Variants in CAST observed in about 807,000 individuals in gnomAD.
The protein encoded by CAST is calpastatin.
A neutral mutation model predicts 119.6 loss-of-function variants in CAST; 76 were observed. The observed-to-expected ratio is 0.64, with a 90% CI of 0.53 to 0.77. The LOEUF (loss-of-function observed/expected upper bound fraction) is 0.77, where lower values mean the gene tolerates loss of function less well. Among genes scored for constraint, CAST ranks in the 30% least tolerant of loss-of-function variants. The pLI, the probability that CAST is intolerant of heterozygous loss-of-function variation, is 0.00. For missense variants in CAST, 953 were observed against 946.5 expected (o/e 1.01, Z -0.09); for synonymous variants, 319 against 331.6 (o/e 0.96, Z 0.41).
chr5:96,534,540 G>C (rs946195401), intron 1 of CAST, among the ~76,000 whole-genome samples: 7 of 151,226 alleles, frequency 4.6e-5, no homozygotes, highest in South Asian at 4.2e-4. Context: ...GTAGTGGTGC[G>C]TGCCTGTAAT....
At chr5:96,241,848 T>G in the CAST span, among the ~76,000 whole-genome samples, 2 of 149,752 alleles carry the variant, frequency 1.3e-5, no homozygotes, top group Admixed American at 1.3e-4. Context: ...GTTTTTTGGC[T>G]GCATAAATGT....
At chr5:96,423,279 C>T in the CAST span, 10 of 1,586,568 alleles carry the variant, frequency 6.3e-6, no homozygotes, top group Non-Finnish European at 8.6e-6. Flanking sequence ...CAGACAGCTC[C>T]CTAAGTCACA....
At chr5:96,379,138 G>T in the CAST span, among the ~76,000 whole-genome samples, 1 of 152,094 alleles carries the variant, frequency 6.6e-6, no homozygotes, top group African/African-American at 2.4e-5. Flanking sequence ...GAATCTTTAT[G>T]AGCTTTTGAT....
chr5:96,541,072 G>A (rs978037914), intron 1 of CAST, among the ~76,000 whole-genome samples: 15 of 152,046 alleles, frequency 9.9e-5, no homozygotes, highest in African/African-American at 3.6e-4. Flanking sequence ...GTAGAGTTAC[G>A]TTTCCTTCCC....
chr5:96,433,630 A>G, the CAST span, among the ~76,000 whole-genome samples: 1 of 152,114 alleles, frequency 6.6e-6, no homozygotes, highest in South Asian at 2.1e-4. Context: ...TAGGATTCTT[A>G]TAATGGCCCT....
chr5:96,610,196 T>C (rs4869147), intron 1 of CAST, among the ~76,000 whole-genome samples: 2,470 of 152,340 alleles, frequency 0.016, 75 homozygotes, highest in African/African-American at 0.057. Flanking sequence ...GTGCCTTTGC[T>C]CTTTATTTAT....
chr5:96,219,536 T>G, the CAST span, among the ~76,000 whole-genome samples: 4 of 152,198 alleles, frequency 2.6e-5, no homozygotes, highest in African/African-American at 9.6e-5. Context: ...CCAGGCATGG[T>G]GGCCCATGCC....
chr5:95,981,601 C>T, the CAST span, among the ~76,000 whole-genome samples: 1 of 152,150 alleles, frequency 6.6e-6, no homozygotes, highest in Non-Finnish European at 1.5e-5. Flanking sequence ...TGTGGCCCAG[C>T]GCAGTGGCTC....
chr5:96,343,275 C>T, the CAST span, among the ~76,000 whole-genome samples: 1 of 152,026 alleles, frequency 6.6e-6, no homozygotes, highest in Non-Finnish European at 1.5e-5. Flanking sequence ...ATGGATCTCA[C>T]AATACTGGCA....
intron 8 of CAST, 28 bp downstream of exon 8, chr5:96,729,753 C>G: frequency 2.1e-6 from 2 of 938,950 alleles, no homozygotes; most frequent in East Asian, 2.4e-5. Context: ...ATAGGAAAAC[C>G]TTAACATCAA....
chr5:96,738,174 T>G (rs1039077848), intron 11 of CAST, among the ~76,000 whole-genome samples: 1 of 151,900 alleles, frequency 6.6e-6, no homozygotes, highest in Non-Finnish European at 1.5e-5. Flanking sequence ...ATACAAAAAT[T>G]AGCTGGGCAT....
At chr5:96,269,419 A>C in the CAST span, among the ~76,000 whole-genome samples, 1 of 152,316 alleles carries the variant, frequency 6.6e-6, no homozygotes, top group African/African-American at 2.4e-5. Context: ...ACATAAAACC[A>C]ACAAAGAAAC....
the CAST span, among the ~76,000 whole-genome samples, chr5:96,436,804 G>T: frequency 6.6e-6 from 1 of 152,064 alleles, no homozygotes; most frequent in East Asian, 1.9e-4. Flanking sequence ...GACTGATATT[G>T]GGGTTACCAC....
At chr5:95,978,456 AG>A in the CAST span, among the ~76,000 whole-genome samples, 1 of 152,082 alleles carries the variant, frequency 6.6e-6, no homozygotes, top group African/African-American at 2.4e-5. Context: ...TGTTTTGAAA[AG>A]TATCTGTTCA....
At chr5:96,297,771 G>T in the CAST span, among the ~76,000 whole-genome samples, 30 of 151,906 alleles carry the variant, frequency 2.0e-4, no homozygotes, top group Admixed American at 1.8e-3. Flanking sequence ...GGCTATGCCT[G>T]GCTTCCACGT....
At chr5:96,386,736 G>A in the CAST span, among the ~76,000 whole-genome samples, 1 of 152,172 alleles carries the variant, frequency 6.6e-6, no homozygotes, top group African/African-American at 2.4e-5. Flanking sequence ...AGGCCGAGGC[G>A]AGCAGATCAC....
chr5:96,688,870 G>A (rs1752384084), intron 2 of CAST, among the ~76,000 whole-genome samples: 1 of 152,144 alleles, frequency 6.6e-6, no homozygotes, highest in African/African-American at 2.4e-5. Flanking sequence ...ACCCATGCAT[G>A]TATCTGCTTA....
the CAST span, chr5:96,412,627 C>A: frequency 2.5e-6 from 2 of 787,566 alleles, no homozygotes; most frequent in Non-Finnish European, 4.1e-6. Flanking sequence ...TAGATGTCCC[C>A]AATTTCTGTA....
the CAST span, among the ~76,000 whole-genome samples, chr5:96,037,969 G>C: frequency 1.3e-5 from 2 of 152,256 alleles, no homozygotes; most frequent in East Asian, 3.9e-4. Flanking sequence ...CAGATTCATC[G>C]CAATGTTACA....
Sources: allele counts gnomAD v4.1 joint callset (sites outside exome capture counted in the v4.1 genomes callset), GRCh38; gene constraint gnomAD v4.1.1; transcripts MANE v1.5; gene names NCBI Gene and HGNC (gene_info 2026-07-23, HGNC 2026-07-21).